Variants in ARHGEF28 observed in about 807,000 individuals in gnomAD.
ARHGEF28 encodes the protein 190 kDa guanine nucleotide exchange factor.
ARHGEF28 carries 152 observed loss-of-function variants against 206.6 expected under a neutral mutation model. That is an observed-to-expected ratio of 0.74 (90% CI 0.64 to 0.84). The LOEUF is 0.84. ARHGEF28 is among the 40% of genes least tolerant of loss of function. The probability of loss-of-function intolerance (pLI) is 0.00; values close to 1 mark genes in which losing one functional copy is unlikely to be tolerated. For missense variants in ARHGEF28, 2,028 were observed against 2,073.2 expected (o/e 0.98, Z 0.42); for synonymous variants, 763 against 776.4 (o/e 0.98, Z 0.29).
intron 30 of ARHGEF28, chr5:73,899,198 C>T (rs1431424892): frequency 6.6e-6 from 1 of 152,142 alleles, no homozygotes; most frequent in Admixed American, 6.5e-5. Flanking sequence ...GGGAGTTGTA[C>T]TGCCCTGGGT....
intron 35 of ARHGEF28, among the ~76,000 whole-genome samples, chr5:73,938,675 A>G (rs1033730141): frequency 1.8e-4 from 28 of 152,260 alleles, no homozygotes; most frequent in African/African-American, 6.7e-4. Context: ...AGCTGTGCAT[A>G]TTTGTATTTA....
intron 9 of ARHGEF28, among the ~76,000 whole-genome samples, chr5:73,822,000 G>A (rs896179893): frequency 2.0e-5 from 3 of 152,056 alleles, no homozygotes; most frequent in Non-Finnish European, 4.4e-5. Flanking sequence ...ATCTTCTCCT[G>A]ACTTCCCCCT....
rs1762894532 is a variant in ARHGEF28, at chr5:73,911,389, C to T, written c.4762C>T (p.His1588Tyr). ...CAACAAACTGAATCCATCAGTTATC[C>T]ATCAGGATGCCACTTACCCTACAAC... The part of the protein sequence containing the change: ...TFNKLNPSVI[H>Y]QDATYPTTQS... Residue 1588 changes from histidine to tyrosine, a missense_variant, in exon 35 of 36, where the codon CAT (histidine) becomes TAT (tyrosine). Coordinates refer to ENST00000513042, the MANE Select transcript of ARHGEF28 (RefSeq NM_001177693.2). 2 of 1,613,762 alleles carry T rather than the reference C, an allele frequency of 1.2e-6. No homozygotes were observed. Among genetic ancestry groups the T allele is most frequent in the Admixed American group, 3.3e-5 (2 of 60,012 alleles).
In ARHGEF28 at chr5:73,728,549, A is replaced by T. The variant is rs943642417; in HGVS notation, c.34-21288A>T. 4.6e-5 allele frequency among the ~76,000 whole-genome samples: 7 copies of T among 152,252 alleles called. No homozygotes were observed. The South Asian group carries it at 1.4e-3, about 31-fold the overall frequency. On this transcript the variant is annotated intron_variant, in intron 2 of 35. Transcript: ENST00000513042. ...AGCCCTCTTTTAACTTATCACCTAT[A>T]GTTAAGACAAGTCGAAAGGTTAATG...
chr5:73,679,317 G>A (rs934375127), intron 1 of ARHGEF28, among the ~76,000 whole-genome samples: 12 of 151,974 alleles, frequency 7.9e-5, no homozygotes, highest in South Asian at 2.1e-4. Context: ...CTGTAATCCC[G>A]GCACTTTGGG....
chr5:73,751,324 C>T (rs1752008131), intron 3 of ARHGEF28, among the ~76,000 whole-genome samples: 1 of 152,188 alleles, frequency 6.6e-6, no homozygotes, highest in Admixed American at 6.5e-5. Context: ...GCTGGAGAAT[C>T]ACTTGAACCT....
intron 4 of ARHGEF28, among the ~76,000 whole-genome samples, chr5:73,754,962 C>G (rs1360191282): frequency 6.6e-6 from 1 of 151,522 alleles, no homozygotes; most frequent in Non-Finnish European, 1.5e-5. Flanking sequence ...AAACACCTGG[C>G]CTCAGGCGAG....
chr5:73,763,815 G>T (rs1031929938), intron 4 of ARHGEF28, among the ~76,000 whole-genome samples: 3 of 152,114 alleles, frequency 2.0e-5, no homozygotes, highest in Non-Finnish European at 4.4e-5. Context: ...CCTAATGACC[G>T]CCTGCTGCCC....
intron 1 of ARHGEF28, among the ~76,000 whole-genome samples, chr5:73,636,016 A>G (rs919883305): frequency 6.6e-6 from 1 of 152,212 alleles, no homozygotes; most frequent in African/African-American, 2.4e-5. Context: ...CACCAGAAAT[A>G]TTGATATCTT....
intron 9 of ARHGEF28, among the ~76,000 whole-genome samples, chr5:73,797,377 A>G (rs1485713636): frequency 1.3e-5 from 2 of 152,184 alleles, no homozygotes; most frequent in Non-Finnish European, 2.9e-5. Flanking sequence ...AGGCCACTTC[A>G]ACACTCTTTT....
chr5:73,780,712 G>C lies in ARHGEF28; in HGVS notation c.877G>C (p.Ala293Pro). 6.4e-7 allele frequency: 1 copy of C among 1,558,872 alleles called. No individual in the cohort carries two copies. ...EPEARPEERT[A>P]MPSSGAETEE... ...AGAAGCCAGGCCAGAGGAAAGAACA[G>C]CTATGCCCTCCAGCGGTGCAGAAAC... is the stretch of plus-strand genomic sequence containing the variant. The change falls in exon 7 of 36, where the codon GCT becomes CCT. Residue 293 changes from alanine (A) to proline (P), a missense_variant. Coordinates refer to ENST00000513042, the MANE Select transcript of ARHGEF28 (RefSeq NM_001177693.2).
chr5:73,883,128 T>C (rs191349956), intron 23 of ARHGEF28, among the ~76,000 whole-genome samples: 1 of 152,188 alleles, frequency 6.6e-6, no homozygotes, highest in Admixed American at 6.5e-5. Flanking sequence ...GGTGGTTATA[T>C]CTCTTAAATC....
Position 73,676,214 on chromosome 5 carries a change from G to A in ARHGEF28, c.-11-8627G>A, listed in dbSNP as rs1205050361. Among the ~76,000 whole-genome samples, 3 of 150,672 alleles carry A rather than the reference G, an allele frequency of 2.0e-5. No individual in the cohort carries two copies. In the East Asian group the frequency reaches 5.9e-4, roughly 29 times the overall value. On this transcript the variant is annotated intron_variant, in intron 1 of 35. Coordinates refer to ENST00000513042, the MANE Select transcript of ARHGEF28 (RefSeq NM_001177693.2). The stretch of plus-strand genomic sequence containing the variant: ...GCCTCCTGAGTAGCTGGGATTACAG[G>A]CCCCCACCACCACACCCAGCTAATG...
intron 26 of ARHGEF28, 30 bp downstream of exon 26, chr5:73,887,709 A>G: frequency 4.0e-6 from 6 of 1,506,876 alleles, no homozygotes; most frequent in Non-Finnish European, 5.3e-6. Flanking sequence ...ATGTATTTAA[A>G]AAATAGGTTT....
intron 35 of ARHGEF28, among the ~76,000 whole-genome samples, chr5:73,938,160 C>CCA (rs199804024): frequency 0.047 from 6,622 of 139,544 alleles, 264 homozygotes; most frequent in African/African-American, 0.097. Context: ...CTACACTACA[C>CCA]CACACACACA....
intron 35 of ARHGEF28, among the ~76,000 whole-genome samples, chr5:73,915,014 A>C (rs1029411631): frequency 3.3e-5 from 5 of 152,238 alleles, no homozygotes; most frequent in Admixed American, 6.5e-5. Context: ...TGCTGGGATT[A>C]TAGGCATGAG....
At chr5:73,715,438 T>C (rs1749527432) in intron 2 of ARHGEF28, among the ~76,000 whole-genome samples, 1 of 152,104 alleles carries the variant, frequency 6.6e-6, no homozygotes, top group African/African-American at 2.4e-5. Context: ...AGAGGAAATG[T>C]CCACTTCCGT....
intron 31 of ARHGEF28, chr5:73,903,721 G>A (rs1298348457): frequency 6.4e-6 from 1 of 157,178 alleles, no homozygotes; most frequent in Non-Finnish European, 1.4e-5. Flanking sequence ...CACCGTCTGA[G>A]TCTGGTTTCT....
intron 4 of ARHGEF28, among the ~76,000 whole-genome samples, chr5:73,756,902 G>C (rs1300159380): frequency 6.6e-6 from 1 of 152,106 alleles, no homozygotes; most frequent in African/African-American, 2.4e-5. Flanking sequence ...TTATAGTTGG[G>C]AATAAACAAG....
Sources: allele counts gnomAD v4.1 joint callset (sites outside exome capture counted in the v4.1 genomes callset), GRCh38; gene constraint gnomAD v4.1.1; transcripts MANE v1.5; gene names NCBI Gene and HGNC (gene_info 2026-07-23, HGNC 2026-07-21).